CDH12: variants seen among roughly 807,000 people sequenced by gnomAD.
CDH12 encodes cadherin-12.
CDH12 carries 41 observed loss-of-function variants against 74.1 expected under a neutral mutation model. That is an observed-to-expected ratio of 0.55 (90% CI 0.43 to 0.72). The LOEUF is 0.72. CDH12 is among the 30% of genes least tolerant of loss of function. The pLI, the probability that CDH12 is intolerant of heterozygous loss-of-function variation, is 0.00. For missense variants in CDH12, 945 were observed against 977.2 expected (o/e 0.97, Z 0.44); for synonymous variants, 399 against 355.0 (o/e 1.12, Z -1.39).
chr5:22,173,749 C>T (rs541056247), intron 4 of CDH12, among the ~76,000 whole-genome samples: 31 of 151,990 alleles, frequency 2.0e-4, no homozygotes, highest in African/African-American at 7.0e-4. Flanking sequence ...ACAACTAACA[C>T]TTACGTAATG....
At position 22,505,273 on chromosome 5, in the gene CDH12, TA is replaced by T. The variant is rs35917747; in HGVS notation, c.-432del. The T allele has an allele frequency of 2.0e-6, 2 of 977,912 alleles. No homozygotes were observed. The highest frequency in any genetic ancestry group is 6.2e-5 in the Admixed American group (1 of 16,184). The allele number at this position is 977,912 out of a possible 1,614,324, so 60.6% of individuals were successfully genotyped here. A position where few individuals can be genotyped will look rare whatever the true frequency, so the allele number is the denominator to read the frequency against. On this transcript the variant is annotated 5_prime_UTR_variant, in exon 2 of 15. The change creates a premature stop within an existing upstream ORF in the 5' untranslated region. Transcript: ENST00000382254. ...TGATAAGATTTTTTTTACCTACCTTTAAAAAGGCTGGCATTCTTTAAAACTC... is the reference window on the plus strand; with the variant it reads ...TGATAAGATTTTTTTTACCTACCTTTAAAAGGCTGGCATTCTTTAAAACTC...
chr5:22,214,688 C>T lies in CDH12; in HGVS notation c.-332-2045G>A, dbSNP rs1472994946. On this transcript the variant is annotated intron_variant, in intron 3 of 14. Transcript: ENST00000382254. ...AAACGTTAAGACAGGGCTTATTTTCCTGAACCCTGCCAGCCAACCCACAAT... is the reference window on the plus strand; with the variant it reads ...AAACGTTAAGACAGGGCTTATTTTCTTGAACCCTGCCAGCCAACCCACAAT... Among the ~76,000 whole-genome samples the T allele has an allele frequency of 7.9e-5, 12 of 152,246 alleles. No individual in the cohort carries two copies. In the East Asian group the frequency reaches 2.3e-3, roughly 30 times the overall value.
At chr5:22,424,256 T>A (rs1320121801) in intron 2 of CDH12, among the ~76,000 whole-genome samples, 1 of 152,116 alleles carries the variant, frequency 6.6e-6, no homozygotes, top group Non-Finnish European at 1.5e-5. Flanking sequence ...TGCCTATCCC[T>A]TAATTTGGCC....
intron 3 of CDH12, among the ~76,000 whole-genome samples, chr5:22,379,477 G>A (rs538673385): frequency 7.9e-5 from 12 of 152,186 alleles, no homozygotes; most frequent in African/African-American, 1.2e-4. Flanking sequence ...TTGTTCACAC[G>A]ATTAAATGAC....
chr5:21,987,659 G>A (rs1056205538), intron 5 of CDH12, among the ~76,000 whole-genome samples: 7 of 152,182 alleles, frequency 4.6e-5, no homozygotes, highest in Admixed American at 3.9e-4. Flanking sequence ...ACTGAGGGAA[G>A]TGCAAATTTG....
intron 10 of CDH12, among the ~76,000 whole-genome samples, chr5:21,796,955 T>C (rs1368920196): frequency 6.6e-6 from 1 of 152,122 alleles, no homozygotes. Context: ...AACTATATAA[T>C]AGCAGTGTTC....
At chr5:22,078,916 T>TA in intron 4 of CDH12, 54 bp from the exon 5 acceptor site, 10 of 946,958 alleles carry the variant, frequency 1.1e-5, no homozygotes, top group Non-Finnish European at 1.4e-5. Context: ...CATGATGATA[T>TA]TCATCACAAC....
intron 3 of CDH12, among the ~76,000 whole-genome samples, chr5:22,291,117 C>A (rs75365977): frequency 0.04 from 6,093 of 152,010 alleles, 428 homozygotes; most frequent in African/African-American, 0.14. Context: ...AGAACAAAAG[C>A]CATATGATTA....
chr5:21,884,004 C>T, intron 6 of CDH12: 2 of 1,525,328 alleles, frequency 1.3e-6, no homozygotes, highest in African/African-American at 1.4e-5. Flanking sequence ...TAAAAGAACA[C>T]TCAAAATTCC....
At chr5:22,327,263 A>G (rs946713113) in intron 3 of CDH12, among the ~76,000 whole-genome samples, 2 of 152,120 alleles carry the variant, frequency 1.3e-5, no homozygotes, top group East Asian at 3.8e-4. Context: ...AAAGAATTTT[A>G]TTTCTTCCCC....
chr5:22,140,962 G>T (rs191671385), intron 4 of CDH12, among the ~76,000 whole-genome samples: 1 of 152,262 alleles, frequency 6.6e-6, no homozygotes, highest in African/African-American at 2.4e-5. Flanking sequence ...AAATCACAAA[G>T]CTTCCTTATG....
chr5:22,030,169 A>G (rs1410412201), intron 5 of CDH12, among the ~76,000 whole-genome samples: 2 of 151,908 alleles, frequency 1.3e-5, no homozygotes, highest in Non-Finnish European at 2.9e-5. Context: ...ATGCTAAATG[A>G]TGAGTTAATG....
At chr5:22,653,197 A>G (rs1390063068) in intron 1 of CDH12, among the ~76,000 whole-genome samples, 1 of 152,084 alleles carries the variant, frequency 6.6e-6, no homozygotes, top group Non-Finnish European at 1.5e-5. Context: ...CTCTAAATAC[A>G]TTTATTACCT....
intron 2 of CDH12, among the ~76,000 whole-genome samples, chr5:22,425,077 T>G (rs10473593): frequency 0.067 from 6,819 of 101,614 alleles, 188 homozygotes; most frequent in Middle Eastern, 0.11. Flanking sequence ...TATATATATA[T>G]AGAGAGAGAG....
chr5:22,248,700 A>G (rs1231093966), intron 3 of CDH12, among the ~76,000 whole-genome samples: 1 of 152,192 alleles, frequency 6.6e-6, no homozygotes, highest in Admixed American at 6.5e-5. Context: ...AAACCTATCC[A>G]ATAGTATCAA....
chr5:22,612,681 A>G (rs1276561145), intron 1 of CDH12, among the ~76,000 whole-genome samples: 1 of 152,190 alleles, frequency 6.6e-6, no homozygotes, highest in African/African-American at 2.4e-5. Context: ...CAGTTAACTC[A>G]GTATTTTTGA....
intron 3 of CDH12, among the ~76,000 whole-genome samples, chr5:22,328,191 T>C (rs1254697386): frequency 6.6e-6 from 1 of 152,216 alleles, no homozygotes; most frequent in African/African-American, 2.4e-5. Context: ...AACTAAATGA[T>C]TGTCTTGATC....
At chr5:22,098,741 T>C (rs930654725) in intron 4 of CDH12, among the ~76,000 whole-genome samples, 1 of 152,118 alleles carries the variant, frequency 6.6e-6, no homozygotes, top group Non-Finnish European at 1.5e-5. Flanking sequence ...CATGACTGTA[T>C]CCCTCTGATC....
intron 5 of CDH12, among the ~76,000 whole-genome samples, chr5:22,014,466 GCT>G (rs1255273262): frequency 6.6e-6 from 1 of 151,942 alleles, no homozygotes; most frequent in African/African-American, 2.4e-5. Flanking sequence ...GTATGCAAAG[GCT>G]TCATATATCT....
Sources: gnomAD v4.1 joint callset for allele counts (sites outside exome capture counted in the v4.1 genomes callset) on GRCh38, gnomAD v4.1.1 for gene constraint, MANE v1.5 for transcripts, NCBI Gene and HGNC (gene_info 2026-07-23, HGNC 2026-07-21) for gene names.